Variants in CNTN1 observed in about 807,000 individuals in gnomAD.
The protein encoded by CNTN1 is contactin 1.
A neutral mutation model predicts 126.4 loss-of-function variants in CNTN1; 38 were observed. The ratio of observed to expected loss-of-function variants is 0.30; its 90% CI spans 0.23 to 0.39. CNTN1 has a LOEUF of 0.39. CNTN1 is among the 10% of genes least tolerant of loss of function. The pLI is 1.00. For missense variants in CNTN1, 1,009 were observed against 1,248.4 expected (o/e 0.81, Z 2.89); for synonymous variants, 413 against 422.6 (o/e 0.98, Z 0.28).
chr12:40,740,327 A>T (rs1335824743), intron 1 of CNTN1, among the ~76,000 whole-genome samples: 2 of 152,004 alleles, frequency 1.3e-5, no homozygotes, highest in Non-Finnish European at 2.9e-5. Context: ...CATCCTCCTT[A>T]TCTTTTTACT....
intron 17 of CNTN1, among the ~76,000 whole-genome samples, chr12:41,004,397 G>A (rs1298904424): frequency 6.6e-6 from 1 of 152,202 alleles, no homozygotes; most frequent in Non-Finnish European, 1.5e-5. Flanking sequence ...ATGTGGCAAT[G>A]AGAAGAATAT....
intron 15 of CNTN1, among the ~76,000 whole-genome samples, chr12:40,978,323 A>T (rs893518914): frequency 6.6e-6 from 1 of 151,842 alleles, no homozygotes; most frequent in African/African-American, 2.4e-5. Flanking sequence ...CAATTACTAG[A>T]TGGAAAAATC....
At chr12:41,020,703 T>C (rs1166730888) in intron 20 of CNTN1, among the ~76,000 whole-genome samples, 1 of 152,218 alleles carries the variant, frequency 6.6e-6, no homozygotes, top group African/African-American at 2.4e-5. Flanking sequence ...ATAACACTTA[T>C]GATTACCCAA....
intron 1 of CNTN1, among the ~76,000 whole-genome samples, chr12:40,767,687 G>T (rs1939171213): frequency 6.6e-6 from 1 of 151,840 alleles, no homozygotes; most frequent in Non-Finnish European, 1.5e-5. Flanking sequence ...AGGCTGGAGT[G>T]CAGTGGAGCG....
intron 1 of CNTN1, among the ~76,000 whole-genome samples, chr12:40,813,549 A>T (rs1941161797): frequency 6.6e-6 from 1 of 152,142 alleles, no homozygotes; most frequent in Non-Finnish European, 1.5e-5. Context: ...TCTGCATAGT[A>T]TTCTATGTTG....
intron 1 of CNTN1, chr12:40,742,510 CT>C (rs1477536441): frequency 1.3e-5 from 2 of 151,452 alleles, no homozygotes; most frequent in Non-Finnish European, 2.9e-5. Context: ...ACTCTTTCAT[CT>C]TTCTTCTTTA....
At chr12:41,022,111 A>T (rs1341841610) in intron 20 of CNTN1, among the ~76,000 whole-genome samples, 1 of 152,158 alleles carries the variant, frequency 6.6e-6, no homozygotes. Flanking sequence ...TTATATATTG[A>T]CGATTTGCTT....
At chr12:41,030,268 C>T (rs1390306411) in intron 23 of CNTN1, among the ~76,000 whole-genome samples, 1 of 151,744 alleles carries the variant, frequency 6.6e-6, no homozygotes, top group South Asian at 2.1e-4. Flanking sequence ...ACAAAAAATC[C>T]TTTACCACAA....
At chr12:40,958,477 G>T (rs576255269) in intron 14 of CNTN1, among the ~76,000 whole-genome samples, 1 of 151,906 alleles carries the variant, frequency 6.6e-6, no homozygotes, top group South Asian at 2.1e-4. Context: ...CATTGAAATG[G>T]TGTCTCATCA....
At chr12:40,975,950 G>C (rs1467750874) in intron 15 of CNTN1, among the ~76,000 whole-genome samples, 1 of 152,170 alleles carries the variant, frequency 6.6e-6, no homozygotes, top group South Asian at 2.1e-4. Context: ...GTAGGGATAT[G>C]ATATATGAGC....
In CNTN1 at chr12:40,939,325, T is replaced by G; in HGVS notation, c.1229-10T>G. The G allele has an allele frequency of 6.2e-7, 1 of 1,613,116 alleles. No homozygotes were observed. Among genetic ancestry groups the G allele is most frequent in the South Asian group, 1.1e-5 (1 of 91,062 alleles). ...AGAAAGAGAAAGATAACAATTTGTTTTCTTTTTAGCGTTGGCTCCAACTTT... is the reference window on the plus strand; with the variant it reads ...AGAAAGAGAAAGATAACAATTTGTTGTCTTTTTAGCGTTGGCTCCAACTTT... On this transcript the variant is annotated splice_polypyrimidine_tract_variant and intron_variant, in intron 11 of 23. Coordinates refer to ENST00000551295, the MANE Select transcript of CNTN1 (RefSeq NM_001843.4).
At chr12:40,866,151 G>A (rs1392969797) in intron 1 of CNTN1, among the ~76,000 whole-genome samples, 1 of 151,516 alleles carries the variant, frequency 6.6e-6, no homozygotes, top group Non-Finnish European at 1.5e-5. Flanking sequence ...ATTATTTTTT[G>A]CATATTTATC....
chr12:40,817,366 T>G, intron 1 of CNTN1, among the ~76,000 whole-genome samples: 1 of 152,156 alleles, frequency 6.6e-6, no homozygotes, highest in East Asian at 1.9e-4. Flanking sequence ...AATAGTTAGC[T>G]CTTCTTGTTG....
At chr12:41,068,091 T>G (rs191002229) in intron 23 of CNTN1, among the ~76,000 whole-genome samples, 82 of 152,318 alleles carry the variant, frequency 5.4e-4, no homozygotes, top group African/African-American at 1.9e-3. Context: ...TAAAGCTACC[T>G]GCAAGAACAC....
chr12:40,987,556 A>G (rs1947986831), intron 16 of CNTN1, among the ~76,000 whole-genome samples: 1 of 152,230 alleles, frequency 6.6e-6, no homozygotes, highest in African/African-American at 2.4e-5. Flanking sequence ...ATGAAGAGGC[A>G]TAGTAACCAT....
intron 14 of CNTN1, among the ~76,000 whole-genome samples, chr12:40,954,741 A>C (rs754787049): frequency 2.0e-5 from 3 of 152,030 alleles, no homozygotes; most frequent in African/African-American, 7.2e-5. Flanking sequence ...AAGGATACAA[A>C]TTAAAATTAG....
chr12:40,748,300 A>C (rs1255099396), intron 1 of CNTN1, among the ~76,000 whole-genome samples: 1 of 152,120 alleles, frequency 6.6e-6, no homozygotes, highest in East Asian at 1.9e-4. Context: ...TTACATAAAA[A>C]TTCATCATTA....
At chr12:40,889,940 C>T (rs1255043177) in intron 1 of CNTN1, among the ~76,000 whole-genome samples, 1 of 152,036 alleles carries the variant, frequency 6.6e-6, no homozygotes, top group Non-Finnish European at 1.5e-5. Context: ...TGTGAACCAC[C>T]GGTATTTGAA....
intron 20 of CNTN1, among the ~76,000 whole-genome samples, chr12:41,021,270 G>T (rs1205129161): frequency 1.3e-5 from 2 of 152,038 alleles, no homozygotes; most frequent in Non-Finnish European, 2.9e-5. Context: ...CAAAGTTCGG[G>T]GTTTTATTGC....
Sources: gnomAD v4.1 joint callset for allele counts (sites outside exome capture counted in the v4.1 genomes callset) on GRCh38, gnomAD v4.1.1 for gene constraint, MANE v1.5 for transcripts, NCBI Gene and HGNC (gene_info 2026-07-23, HGNC 2026-07-21) for gene names.